The following MSH4 variants were observed in gnomAD, a reference collection of about 807,000 sequenced individuals.
The protein encoded by MSH4 is mutS protein homolog 4.
MSH4 carries 106 observed loss-of-function variants against 113.7 expected under a neutral mutation model. The observed-to-expected ratio is 0.93, with a 90% confidence interval of 0.80 to 1.10. The LOEUF (loss-of-function observed/expected upper bound fraction) is 1.10. Among genes scored for constraint, MSH4 ranks in the 50% least tolerant of loss-of-function variants. The pLI, the probability that MSH4 is intolerant of heterozygous loss-of-function variation, is 0.00. For missense variants in MSH4, 1,061 were observed against 1,093.7 expected (o/e 0.97, Z 0.42); for synonymous variants, 368 against 380.2 (o/e 0.97, Z 0.37).
intron 6 of MSH4, among the ~76,000 whole-genome samples, chr1:75,819,738 T>C (rs937562465): frequency 1.3e-5 from 2 of 152,180 alleles, no homozygotes; most frequent in African/African-American, 4.8e-5. Context: ...TTAGACAGAG[T>C]CTCACTTTGT....
intron 19 of MSH4, among the ~76,000 whole-genome samples, chr1:75,908,599 C>T (rs972023400): frequency 2.6e-5 from 4 of 152,172 alleles, no homozygotes; most frequent in Admixed American, 6.5e-5. Flanking sequence ...TGATCACCAG[C>T]TCCTTGCTTT....
At chr1:75,817,433 C>A (rs764222283) in intron 6 of MSH4, among the ~76,000 whole-genome samples, 1 of 152,074 alleles carries the variant, frequency 6.6e-6, no homozygotes, top group Non-Finnish European at 1.5e-5. Flanking sequence ...AATGACCAAG[C>A]CTGGTAGTTA....
chr1:75,835,280 A>G (rs1650803454), intron 7 of MSH4, among the ~76,000 whole-genome samples: 1 of 152,152 alleles, frequency 6.6e-6, no homozygotes, highest in Non-Finnish European at 1.5e-5. Flanking sequence ...TGCCTGTCCA[A>G]TGTTGTCCAG....
intron 19 of MSH4, among the ~76,000 whole-genome samples, chr1:75,912,095 T>C (rs535506989): frequency 1.1e-4 from 16 of 152,114 alleles, no homozygotes; most frequent in Non-Finnish European, 7.4e-5. Flanking sequence ...TTTAAATAGC[T>C]ATTCATATTA....
intron 7 of MSH4, among the ~76,000 whole-genome samples, chr1:75,838,353 C>T (rs889597894): frequency 3.9e-5 from 6 of 152,176 alleles, no homozygotes; most frequent in Non-Finnish European, 7.3e-5. Context: ...CTGCCACCCT[C>T]TTGTAAGGAC....
At chr1:75,872,408 C>T (rs113686811) in intron 9 of MSH4, among the ~76,000 whole-genome samples, 3 of 151,934 alleles carry the variant, frequency 2.0e-5, no homozygotes, top group African/African-American at 2.4e-5. Context: ...GAATCACTTA[C>T]GTTTATATGT....
intron 7 of MSH4, among the ~76,000 whole-genome samples, chr1:75,838,528 A>G (rs1650882150): frequency 6.6e-6 from 1 of 152,186 alleles, no homozygotes; most frequent in African/African-American, 2.4e-5. Flanking sequence ...GGTGGTGGTT[A>G]CCATACTCAT....
At chr1:75,818,022 G>A (rs1650327892) in intron 6 of MSH4, among the ~76,000 whole-genome samples, 1 of 152,102 alleles carries the variant, frequency 6.6e-6, no homozygotes, top group South Asian at 2.1e-4. Flanking sequence ...TGGATCACTT[G>A]TCACCATTTC....
chr1:75,805,115 G>A (rs999439324), intron 2 of MSH4, among the ~76,000 whole-genome samples: 4 of 151,828 alleles, frequency 2.6e-5, no homozygotes, highest in Admixed American at 6.6e-5. Context: ...GTGAGCCACC[G>A]CACCCAGCCC....
At chr1:75,861,607 C>G (rs973003523) in intron 8 of MSH4, among the ~76,000 whole-genome samples, 4 of 152,212 alleles carry the variant, frequency 2.6e-5, no homozygotes, top group Non-Finnish European at 5.9e-5. Flanking sequence ...TGCAGAACAG[C>G]AAATATTGCT....
At chr1:75,864,558 C>T (rs553128691) in intron 8 of MSH4, among the ~76,000 whole-genome samples, 2 of 152,236 alleles carry the variant, frequency 1.3e-5, no homozygotes, top group East Asian at 1.9e-4. Context: ...TTTTAATAAA[C>T]GTGGTTTTAA....
At chr1:75,824,977 A>AT (rs201777965) in intron 7 of MSH4, among the ~76,000 whole-genome samples, 8,406 of 133,610 alleles carry the variant, frequency 0.063, 420 homozygotes, top group African/African-American at 0.16. Flanking sequence ...AATTTAAAGT[A>AT]TTTTTTTTTC....
chr1:75,825,966 A>G (rs1418288368), intron 7 of MSH4, among the ~76,000 whole-genome samples: 1 of 152,124 alleles, frequency 6.6e-6, no homozygotes, highest in Non-Finnish European at 1.5e-5. Flanking sequence ...AATCAGGATG[A>G]TACTGCCCTC....
intron 19 of MSH4, among the ~76,000 whole-genome samples, chr1:75,905,783 C>T (rs1451384598): frequency 6.6e-6 from 1 of 151,984 alleles, no homozygotes; most frequent in Admixed American, 6.6e-5. Flanking sequence ...TGAATTGACC[C>T]CTTTATTATT....
intron 10 of MSH4, 120 bp from the exon 11 acceptor site, chr1:75,878,029 T>C (rs1397433153): frequency 3.0e-6 from 2 of 674,552 alleles, no homozygotes; most frequent in Non-Finnish European, 5.0e-6. Flanking sequence ...GTTGCTTAAT[T>C]AGTTATTTCA....
chr1:75,832,962 G>A (rs529457904), intron 7 of MSH4, among the ~76,000 whole-genome samples: 10 of 152,220 alleles, frequency 6.6e-5, no homozygotes, highest in African/African-American at 2.4e-4. Context: ...AAGAAATAAA[G>A]GGTATTCAAT....
At chr1:75,826,895 A>T (rs1247596385) in intron 7 of MSH4, among the ~76,000 whole-genome samples, 2 of 152,182 alleles carry the variant, frequency 1.3e-5, no homozygotes, top group Admixed American at 1.3e-4. Context: ...TCGATTTTAG[A>T]ATAAGTGCTA....
intron 1 of MSH4, among the ~76,000 whole-genome samples, chr1:75,802,868 TGGA>T (rs1422711957): frequency 1.3e-5 from 2 of 152,158 alleles, no homozygotes; most frequent in Non-Finnish European, 2.9e-5. Flanking sequence ...TTTGTGCTGG[TGGA>T]GTCTCTGTAG....
At chr1:75,866,481 G>A (rs1651564739) in intron 8 of MSH4, among the ~76,000 whole-genome samples, 1 of 152,106 alleles carries the variant, frequency 6.6e-6, no homozygotes, top group African/African-American at 2.4e-5. Context: ...TTCTTCTTTA[G>A]TGATAGTGAT....
Sources: gnomAD v4.1 joint callset for allele counts (sites outside exome capture counted in the v4.1 genomes callset) on GRCh38, gnomAD v4.1.1 for gene constraint, MANE v1.5 for transcripts, NCBI Gene and HGNC (gene_info 2026-07-23, HGNC 2026-07-21) for gene names.